Variants in MYO3A observed in about 807,000 individuals in gnomAD.
MYO3A encodes the protein myosin IIIA, also known as myosin-IIIa.
MYO3A carries 180 observed loss-of-function variants against 192.7 expected under a neutral mutation model. The observed-to-expected ratio is 0.93, with a 90% CI of 0.83 to 1.06. The LOEUF (loss-of-function observed/expected upper bound fraction) is 1.06, where lower values mean the gene tolerates loss of function less well. MYO3A is among the 50% of genes least tolerant of loss of function. The pLI is 0.00. For synonymous variants in MYO3A, 628 were observed against 645.3 expected (o/e 0.97, Z 0.41); for missense variants, 1,896 against 1,905.0 (o/e 1.00, Z 0.09).
At chr10:26,208,824 C>T (rs1844094420) in intron 34 of MYO3A, among the ~76,000 whole-genome samples, 1 of 152,184 alleles carries the variant, frequency 6.6e-6, no homozygotes, top group Non-Finnish European at 1.5e-5. Flanking sequence ...CTAGACCTCT[C>T]CTTTCACCAT....
At chr10:25,937,950 G>T (rs1251256706) in intron 2 of MYO3A, among the ~76,000 whole-genome samples, 1 of 152,214 alleles carries the variant, frequency 6.6e-6, no homozygotes, top group East Asian at 1.9e-4. Flanking sequence ...AATTAAGCTA[G>T]ACCAGATTTC....
chr10:26,034,927 G>A (rs1478855378), intron 10 of MYO3A, among the ~76,000 whole-genome samples: 2 of 145,802 alleles, frequency 1.4e-5, no homozygotes, highest in Non-Finnish European at 3.0e-5. Flanking sequence ...TACATGAAGC[G>A]TGTGTGTGTG....
At chr10:26,001,517 G>A (rs1198824629) in intron 6 of MYO3A, among the ~76,000 whole-genome samples, 3 of 152,218 alleles carry the variant, frequency 2.0e-5, no homozygotes, top group Non-Finnish European at 4.4e-5. Context: ...AGGAGCCACA[G>A]GAAGTGCTCT....
chr10:25,951,969 T>C (rs1837231786), intron 2 of MYO3A, 125 bp from the exon 3 acceptor site: 1 of 682,932 alleles, frequency 1.5e-6, no homozygotes. Flanking sequence ...CTCTGAAATA[T>C]GTTTGGTTGC....
chr10:26,081,579 C>T (rs1486990960), intron 14 of MYO3A, among the ~76,000 whole-genome samples: 1 of 152,190 alleles, frequency 6.6e-6, no homozygotes, highest in African/African-American at 2.4e-5. Flanking sequence ...TGGGGCCAGA[C>T]TTCTCGCCCC....
At chr10:26,049,277 A>G (rs1843823033) in intron 10 of MYO3A, among the ~76,000 whole-genome samples, 1 of 152,190 alleles carries the variant, frequency 6.6e-6, no homozygotes, top group African/African-American at 2.4e-5. Flanking sequence ...AAAACATCCA[A>G]AGAGCCTCAG....
chr10:26,024,599 A>G (rs971171919), intron 9 of MYO3A, among the ~76,000 whole-genome samples: 15 of 152,308 alleles, frequency 9.8e-5, no homozygotes, highest in Admixed American at 2.6e-4. Flanking sequence ...TGTAGTGGCC[A>G]GTAATGGTCT....
At chr10:26,063,444 G>A (rs1010899149) in intron 10 of MYO3A, among the ~76,000 whole-genome samples, 1 of 152,058 alleles carries the variant, frequency 6.6e-6, no homozygotes, top group African/African-American at 2.4e-5. Context: ...TTTACATTTA[G>A]ATATGTGATT....
chr10:26,199,370 T>C (rs1179132757), intron 32 of MYO3A, among the ~76,000 whole-genome samples: 2 of 152,048 alleles, frequency 1.3e-5, no homozygotes, highest in Non-Finnish European at 2.9e-5. Context: ...CTGGGGAACA[T>C]AGCGAAACCT....
chr10:26,201,311 T>A lies in MYO3A; in HGVS notation c.4586+6T>A. 3 of 1,568,146 alleles carry A rather than the reference T, an allele frequency of 1.9e-6. No homozygotes were observed. The highest frequency in any genetic ancestry group is 2.6e-6 in the Non-Finnish European group (3 of 1,144,830). On this transcript the variant is annotated splice_donor_region_variant and intron_variant, in intron 33 of 34. Transcript: ENST00000642920. ...CGAAGACCAAGGAAAGACAGGTAAT[T>A]ATTACTTCTGGATTTCAATCAGTCA...
chr10:26,173,864 T>G lies in MYO3A; in HGVS notation c.3600T>G (p.Val1200=). 1 of 1,613,996 alleles carries G rather than the reference T, an allele frequency of 6.2e-7. No individual in the cohort carries two copies. The highest frequency in any genetic ancestry group is 8.5e-7 in the Non-Finnish European group (1 of 1,180,014). The change falls in exon 30 of 35, where the codon GTT becomes GTG. Residue 1200 remains valine (V), a synonymous_variant. Transcript: ENST00000642920. ...TGAATAATGTGTATGAGGAAGAGGT[T>G]AAGCAAGAATTCTACCTTGTAGGGC... ...KKMNNVYEEE[V]KQEFYLVGPE...
rs1840282794 is a variant in MYO3A at position 26,143,457 on chromosome 10, C to G, written c.2272C>G (p.Leu758Val). The G allele has an allele frequency of 6.2e-7, 1 of 1,611,424 alleles. No homozygotes were observed. The highest frequency in any genetic ancestry group is 8.5e-7 in the Non-Finnish European group (1 of 1,177,838). ...HVFAWEQNEY[L>V]NEDVDARVIE... ...TTTGTCTTTATTATAGAATGAATAC[C>G]TAAATGAAGATGTGGATGCTAGAGT... The change falls in exon 21 of 35, where the codon CTA (leucine) becomes GTA (valine). Residue 758 changes from leucine to valine, a missense_variant. Coordinates refer to ENST00000642920, the MANE Select transcript of MYO3A (RefSeq NM_017433.5).
intron 17 of MYO3A, among the ~76,000 whole-genome samples, chr10:26,099,374 C>G (rs1837280988): frequency 6.6e-6 from 1 of 152,178 alleles, no homozygotes; most frequent in Non-Finnish European, 1.5e-5. Flanking sequence ...AGTTTGACTT[C>G]CTCTTTTCCT....
chr10:25,974,463 CAG>C (rs2130753760), intron 4 of MYO3A, among the ~76,000 whole-genome samples: 1 of 152,286 alleles, frequency 6.6e-6, no homozygotes, highest in South Asian at 2.1e-4. Context: ...CAAATACAGT[CAG>C]AACCACTGCG....
chr10:25,969,269 G>T (rs59042848), intron 4 of MYO3A, among the ~76,000 whole-genome samples: 227 of 152,240 alleles, frequency 1.5e-3, no homozygotes, highest in African/African-American at 5.2e-3. Context: ...GAGTAGTGTT[G>T]CTGGAATGTT....
intron 4 of MYO3A, among the ~76,000 whole-genome samples, chr10:25,978,471 T>C (rs1219685655): frequency 6.6e-6 from 1 of 152,162 alleles, no homozygotes; most frequent in East Asian, 1.9e-4. Flanking sequence ...ATGAGACTTC[T>C]TCATTATCAG....
At chr10:26,184,756 C>T (rs766746764) in intron 31 of MYO3A, among the ~76,000 whole-genome samples, 34 of 152,160 alleles carry the variant, frequency 2.2e-4, no homozygotes, top group Non-Finnish European at 4.9e-4. Flanking sequence ...ATAACCTTTA[C>T]AAGCTAATAT....
chr10:26,038,245 A>T (rs1843143560), intron 10 of MYO3A, among the ~76,000 whole-genome samples: 1 of 152,156 alleles, frequency 6.6e-6, no homozygotes, highest in Non-Finnish European at 1.5e-5. Context: ...GAAGAATGTC[A>T]TTGATATTTT....
chr10:25,997,266 T>C lies in MYO3A; in HGVS notation c.508+8T>C. On this transcript the variant is annotated splice_region_variant and intron_variant, in intron 6 of 34. Transcript: ENST00000642920. ...TGAAACTAGTAGATTTTGGTAAGTT[T>C]TGTTTAAAATGCATGAGTTTTAACT... 3 of 1,581,296 alleles carry C rather than the reference T, an allele frequency of 1.9e-6. No homozygotes were observed. Among genetic ancestry groups the C allele is most frequent in the Non-Finnish European group, 2.6e-6 (3 of 1,150,412 alleles).
Sources: gnomAD v4.1 joint callset for allele counts (sites outside exome capture counted in the v4.1 genomes callset) on GRCh38, gnomAD v4.1.1 for gene constraint, MANE v1.5 for transcripts, NCBI Gene and HGNC (gene_info 2026-07-23, HGNC 2026-07-21) for gene names.